Variants in RECQL5 observed in about 807,000 individuals in gnomAD.
RECQL5 encodes the protein ATP-dependent DNA helicase Q5.
Under a neutral mutation model 103.4 loss-of-function variants are expected in RECQL5, and 88 were observed. The observed-to-expected ratio is 0.85, with a 90% CI of 0.72 to 1.02. The LOEUF (loss-of-function observed/expected upper bound fraction) is 1.02, where lower values mean the gene tolerates loss of function less well. Among genes scored for constraint, RECQL5 ranks in the 50% least tolerant of loss-of-function variants. The probability of loss-of-function intolerance (pLI) is 0.00; values close to 1 mark genes in which losing one functional copy is unlikely to be tolerated. For missense variants in RECQL5, 1,232 were observed against 1,284.3 expected, an observed-to-expected ratio of 0.96 and a Z score of 0.62; for synonymous variants, 552 against 507.9, an observed-to-expected ratio of 1.09 and a Z score of -1.17.
intron 8 of RECQL5, chr17:75,635,963 G>T: frequency 2.0e-6 from 1 of 512,292 alleles, no homozygotes. Flanking sequence ...GGCTCCGTGT[G>T]CCAGGAGATG....
At chr17:75,655,724 G>A (rs1485525921) in intron 7 of RECQL5, among the ~76,000 whole-genome samples, 1 of 151,150 alleles carries the variant, frequency 6.6e-6, no homozygotes, top group African/African-American at 2.4e-5. Context: ...GCTGGAGTGC[G>A]TCCTCCACTC....
At chr17:75,661,197 C>A (rs1482782306) in intron 5 of RECQL5, 131 bp from the exon 6 acceptor site, 9 of 718,686 alleles carry the variant, frequency 1.3e-5, no homozygotes, top group Non-Finnish European at 2.2e-5. Flanking sequence ...GCTGTCTGAC[C>A]TTAACATCAG....
At chr17:75,655,100 TA>T (rs2059599790) in intron 7 of RECQL5, among the ~76,000 whole-genome samples, 1 of 152,346 alleles carries the variant, frequency 6.6e-6, no homozygotes, top group South Asian at 2.1e-4. Context: ...CTAACATTTT[TA>T]AACATGTCAT....
intron 8 of RECQL5, chr17:75,633,959 G>A: frequency 1.0e-6 from 1 of 985,590 alleles, no homozygotes; most frequent in Non-Finnish European, 1.2e-6. Flanking sequence ...GGGACATGAA[G>A]TTGGAGGACA....
chr17:75,666,623 G>A, intron 1 of RECQL5, 52 bp from the exon 2 acceptor site: 1 of 1,541,792 alleles, frequency 6.5e-7, no homozygotes, highest in Non-Finnish European at 8.8e-7. Context: ...AGAACCCTCT[G>A]TTTTGCATTA....
At position 75,650,128 on chromosome 17, in the gene RECQL5, G is replaced by C. The variant is rs2059536591; in HGVS notation, c.1229+1058C>G. ...TAAGAGCTCTGCTCAAGAAGCCTAA[G>C]AAGGCCAAATTTAGCAACTCCCATA... On this transcript the variant is annotated intron_variant, in intron 8 of 19. Coordinates refer to ENST00000317905, the MANE Select transcript of RECQL5 (RefSeq NM_004259.7). 6 of 986,352 alleles carry C rather than the reference G, an allele frequency of 6.1e-6. 1 individual carries two copies. The South Asian group carries it at 2.3e-4, about 39-fold the overall frequency. 61.1% of individuals were successfully genotyped at this position (986,352 alleles called of 1,614,324 possible). A position where few individuals can be genotyped will look rare whatever the true frequency, so the allele number is the denominator to read the frequency against.
intron 1 of RECQL5, 135 bp from the exon 2 acceptor site, chr17:75,666,706 G>C (rs1405322755): frequency 1.2e-6 from 1 of 832,844 alleles, no homozygotes; most frequent in African/African-American, 1.7e-5. Context: ...AAGTAATAAA[G>C]CTGAAGGTGA....
chr17:75,628,524 C>T (rs1262622469), intron 17 of RECQL5, 82 bp from the exon 18 acceptor site: 3 of 1,537,780 alleles, frequency 2.0e-6, no homozygotes, highest in African/African-American at 1.4e-5. Context: ...TGGGTCCCCG[C>T]ACCAGCTGCC....
chr17:75,632,429 G>C (rs899930871), intron 8 of RECQL5, among the ~76,000 whole-genome samples: 2 of 152,220 alleles, frequency 1.3e-5, no homozygotes, highest in African/African-American at 4.8e-5. Context: ...ACCGCACAAT[G>C]ACAAGTTAAA....
rs1317073268 is a variant in RECQL5 at position 75,662,822 on chromosome 17, T to C, written c.428A>G (p.Asn143Ser). ...CAGCAGGTGGCGGGACACCAGGGAG[T>C]TCAGGGTGGGCTGGAAGGAGGATGA... ...AASSSFQPTL[N>S]SLVSRHLLSY... The change falls in exon 4 of 20, where the codon AAC becomes AGC. Residue 143 changes from asparagine (N) to serine (S), a missense_variant. By Grantham distance (46) the Asn-to-Ser change is conservative. Transcript: ENST00000317905. 1.2e-6 allele frequency: 2 copies of C among 1,613,892 alleles called. No individual in the cohort carries two copies. The highest frequency in any genetic ancestry group is 2.2e-5 in the South Asian group (2 of 91,064).
chr17:75,647,295 G>C, intron 8 of RECQL5: 1 of 1,298,800 alleles, frequency 7.7e-7, no homozygotes, highest in Non-Finnish European at 1.0e-6. Flanking sequence ...GGCTGGAGTC[G>C]GCGGGCAGAG....
chr17:75,652,053 T>A (rs2059562736), intron 7 of RECQL5, among the ~76,000 whole-genome samples: 1 of 151,828 alleles, frequency 6.6e-6, no homozygotes, highest in East Asian at 1.9e-4. Context: ...ATGTTGAAAC[T>A]CCATCTCTAC....
chr17:75,658,841 C>T (rs1026020108), intron 6 of RECQL5, among the ~76,000 whole-genome samples: 6 of 152,010 alleles, frequency 3.9e-5, no homozygotes, highest in Non-Finnish European at 2.9e-5. Flanking sequence ...TATTAAATAC[C>T]TCCTATGTGC....
chr17:75,664,166 C>T (rs964025910), intron 3 of RECQL5, among the ~76,000 whole-genome samples: 1 of 152,096 alleles, frequency 6.6e-6, no homozygotes, highest in South Asian at 2.1e-4. Flanking sequence ...CCCTCTCTAC[C>T]TTCCTTCATG....
intron 2 of RECQL5, among the ~76,000 whole-genome samples, chr17:75,665,689 CAAAAAAAAAAA>C (rs1184942786): frequency 2.7e-4 from 17 of 63,400 alleles, no homozygotes; most frequent in Admixed American, 1.9e-3. Flanking sequence ...GACTCTGTTT[CAAAAAAAAAAA>C]AAAAAAAAAA....
intron 2 of RECQL5, among the ~76,000 whole-genome samples, chr17:75,665,689 CAAAAA>C (rs1184942786): frequency 3.2e-5 from 2 of 63,398 alleles, no homozygotes; most frequent in African/African-American, 6.1e-5. Flanking sequence ...GACTCTGTTT[CAAAAA>C]AAAAAAAAAA....
rs780321333 is a variant in RECQL5 at position 75,665,065 on chromosome 17, T to C, written c.238A>G (p.Ile80Val). Reference protein sequence around the residue: ...KGITIVVSPLIALIQDQVDHL... With the variant: ...KGITIVVSPLVALIQDQVDHL... ...CTAAGCCTCACCTGAATCAAAGCAA[T>C]GAGAGGAGAGACTACAATGGTGATG... The change falls in exon 3 of 20, where the codon ATT becomes GTT. Residue 80 changes from isoleucine (I) to valine (V), a missense_variant. Physicochemically the swap from Ile to Val is conservative, Grantham distance 29. Transcript: ENST00000317905. 6.2e-7 allele frequency: 1 copy of C among 1,602,740 alleles called. No individual in the cohort carries two copies. The highest frequency in any genetic ancestry group is 1.1e-5 in the South Asian group (1 of 88,816).
Position 75,629,750 on chromosome 17 carries a change from C to A in RECQL5, c.1905G>T (p.Glu635Asp), listed in dbSNP as rs750168254. 6.2e-7 allele frequency: 1 copy of A among 1,613,586 alleles called. No homozygotes were observed. Among genetic ancestry groups the A allele is most frequent in the Admixed American group, 1.7e-5 (1 of 59,982 alleles). The change falls in exon 15 of 20, where the codon GAG becomes GAT. Residue 635 changes from glutamate (E) to aspartate (D), a missense_variant. Physicochemically the swap from Glu to Asp is conservative, Grantham distance 45 (BLOSUM62 2). Coordinates refer to ENST00000317905, the MANE Select transcript of RECQL5 (RefSeq NM_004259.7). ...CTGGTGGAATGTCATACTCATTGGG[C>A]TCCGGGGGCTCAGCTTGGGCACTGC... ...KSCSAQAEPP[E>D]PNEYDIPPAS...
intron 2 of RECQL5, 136 bp from the exon 3 acceptor site, chr17:75,665,308 C>T: frequency 1.4e-6 from 1 of 715,820 alleles, no homozygotes; most frequent in South Asian, 1.8e-5. Context: ...AATCCTAATT[C>T]CCCTCCTGTC....
Sources: gnomAD v4.1 joint callset for allele counts (sites outside exome capture counted in the v4.1 genomes callset) on GRCh38, gnomAD v4.1.1 for gene constraint, MANE v1.5 for transcripts, NCBI Gene and HGNC (gene_info 2026-07-23, HGNC 2026-07-21) for gene names.